Variants in CCDC34 observed in about 807,000 individuals in gnomAD.
CCDC34 encodes the protein coiled-coil domain-containing protein 34.
CCDC34 carries 40 observed loss-of-function variants against 44.1 expected under a neutral mutation model. The observed-to-expected ratio is 0.91, with a 90% CI of 0.70 to 1.18. The LOEUF (loss-of-function observed/expected upper bound fraction) is 1.18, where lower values mean the gene tolerates loss of function less well. CCDC34 is among the 50% of genes most tolerant of loss of function. The pLI is 0.00. For missense variants in CCDC34, 466 were observed against 452.3 expected, an observed-to-expected ratio of 1.03 and a Z score of -0.28; for synonymous variants, 159 against 158.2, an observed-to-expected ratio of 1.01 and a Z score of -0.04.
At chr11:27,358,058 A>G (rs970025623) in intron 1 of CCDC34, among the ~76,000 whole-genome samples, 2 of 152,184 alleles carry the variant, frequency 1.3e-5, no homozygotes, top group African/African-American at 4.8e-5. Context: ...CACCTTTTTT[A>G]TAAGTTTGAA....
intron 1 of CCDC34, among the ~76,000 whole-genome samples, chr11:27,358,966 C>CCG (rs1554963879): frequency 2.5e-5 from 3 of 119,012 alleles, no homozygotes; most frequent in Non-Finnish European, 3.7e-5. Context: ...GGACCCCCCC[C>CCG]CCCCACCGCC....
At position 27,357,467 on chromosome 11, in the gene CCDC34, C is replaced by T; in HGVS notation, c.434G>A (p.Trp145Ter). 6.2e-7 allele frequency: 1 copy of T among 1,613,938 alleles called. No individual in the cohort carries two copies. Among genetic ancestry groups the T allele is most frequent in the East Asian group, 2.2e-5 (1 of 44,868 alleles). Residue 145 changes from tryptophan (W) to a stop codon, truncating the protein, a stop_gained, in exon 2 of 6, where the codon TGG becomes TAG. Coordinates refer to ENST00000328697, the MANE Select transcript of CCDC34 (RefSeq NM_030771.2). LOFTEE classifies it high-confidence loss of function. ...VRLPESRLTP[W>*]EVWFIGKEKE... ...TTCTTTGCCAATAAACCACACCTCC[C>T]ATGGTGTCAGGCGGCTTTCTGGTAA...
rs1242949327 is a variant in CCDC34, at chr11:27,341,446, T to C, written c.711A>G (p.Gln237=). 6 of 1,465,122 alleles carry C rather than the reference T, an allele frequency of 4.1e-6. No individual in the cohort carries two copies. Among genetic ancestry groups the C allele is most frequent in the Non-Finnish European group, 5.5e-6 (6 of 1,083,430 alleles). The allele number at this position is 1,465,122 out of a possible 1,614,324, so 90.8% of individuals were successfully genotyped here. ...CAGCATTTTTTTTCTTTAACCATTC[T>C]TGATATTTTTCTTTTGCTTTTTCTT... ...YLQEKAKEKY[Q]EWLKKKNAEE... The change falls in exon 4 of 6, where the codon CAA becomes CAG. Residue 237 remains glutamine (Q), a synonymous_variant. Transcript: ENST00000328697.
At chr11:27,342,128 T>C (rs1247407316) in intron 3 of CCDC34, among the ~76,000 whole-genome samples, 2 of 151,996 alleles carry the variant, frequency 1.3e-5, no homozygotes, top group Non-Finnish European at 2.9e-5. Flanking sequence ...TTTGTAAATT[T>C]CCCAGTCTCA....
chr11:27,347,411 A>G (rs180898049), intron 3 of CCDC34, among the ~76,000 whole-genome samples: 5 of 152,254 alleles, frequency 3.3e-5, no homozygotes, highest in Non-Finnish European at 7.3e-5. Context: ...AGACTTGTAC[A>G]TGAGTGGTCA....
intron 1 of CCDC34, among the ~76,000 whole-genome samples, chr11:27,359,391 C>T (rs1714888315): frequency 6.6e-6 from 1 of 152,196 alleles, no homozygotes; most frequent in Admixed American, 6.5e-5. Context: ...CTTTCTTCCA[C>T]CTCCGCATAA....
Position 27,361,071 on chromosome 11 carries a change from G to A in CCDC34, c.359+1765C>T, listed in dbSNP as rs115800472. Among the ~76,000 whole-genome samples, 978 of 152,294 alleles carry A rather than the reference G, an allele frequency of 6.4e-3. 8 individuals carry two copies. Among genetic ancestry groups the A allele is most frequent in the African/African-American group, 0.018 (751 of 41,554 alleles). The stretch of plus-strand genomic sequence containing the variant: ...GGAAATGGACATGCAGTCAGCAAAC[G>A]TTTATTGAGCACCTAATAAGCATCT... On this transcript the variant is annotated intron_variant, in intron 1 of 5. Coordinates refer to ENST00000328697, the MANE Select transcript of CCDC34 (RefSeq NM_030771.2).
intron 3 of CCDC34, among the ~76,000 whole-genome samples, chr11:27,346,320 C>T (rs1433689548): frequency 3.3e-5 from 5 of 150,720 alleles, no homozygotes; most frequent in South Asian, 4.2e-4. Flanking sequence ...TGCTTGAGCC[C>T]GGGAGGCAGA....
chr11:27,362,698 A>T (rs977723607), intron 1 of CCDC34, 138 bp downstream of exon 1: 13 of 998,658 alleles, frequency 1.3e-5, no homozygotes, highest in Admixed American at 7.2e-5. Context: ...TTATGTGCAA[A>T]AAAAACCACG....
At chr11:27,341,332 T>C (rs1000159123) in intron 4 of CCDC34, 60 bp downstream of exon 4, 2 of 988,854 alleles carry the variant, frequency 2.0e-6, no homozygotes, top group Non-Finnish European at 1.4e-6. Flanking sequence ...TTCTAAGATA[T>C]AGTTGACACA....
At chr11:27,356,917 GGGGTGGGGTGGGGTTGGGGGTGGT>G (rs1240676102) in intron 2 of CCDC34, among the ~76,000 whole-genome samples, 12 of 84,892 alleles carry the variant, frequency 1.4e-4, no homozygotes, top group African/African-American at 5.3e-4. Context: ...TGGGGGTGGT[GGGGTGGGGTGGGGTTGGGGGTGGT>G]GGGGGGGGGC....
chr11:27,342,021 A>G (rs1239936107), intron 3 of CCDC34, among the ~76,000 whole-genome samples: 1 of 152,146 alleles, frequency 6.6e-6, no homozygotes, highest in Non-Finnish European at 1.5e-5. Flanking sequence ...GCCTGCTGCC[A>G]TCCATGTAAG....
Position 27,349,413 on chromosome 11 carries a change from AT to A in CCDC34, c.606+918del, listed in dbSNP as rs201879455. On this transcript the variant is annotated intron_variant, in intron 3 of 5. Transcript: ENST00000328697. The stretch of plus-strand genomic sequence containing the variant: ...ATACTTGGATGAAGAAGGTTATATC[AT>A]CTTCAATTTACTGAAATTATTTACT... 6,080 of 825,410 alleles carry A rather than the reference AT, an allele frequency of 7.4e-3. 27 individuals are homozygous for A. The highest frequency in any genetic ancestry group is 0.013 in the Admixed American group (201 of 16,040). The allele number at this position is 825,410 out of a possible 1,614,324, so 51.1% of individuals were successfully genotyped here. A position where few individuals can be genotyped will look rare whatever the true frequency, so the allele number is the denominator to read the frequency against.
chr11:27,349,457 C>G, intron 3 of CCDC34: 1 of 830,600 alleles, frequency 1.2e-6, no homozygotes, highest in Non-Finnish European at 1.5e-6. Flanking sequence ...CTTATTAATA[C>G]CATTAGGCAT....
Position 27,355,960 on chromosome 11 carries a change from T to G in CCDC34, c.498+1443A>C, listed in dbSNP as rs2133348268. On this transcript the variant is annotated intron_variant, in intron 2 of 5. Transcript: ENST00000328697. ...ATCAAATAATAACTGGTTTCAAAAC[T>G]AACAGAAAAGTTATTCTAAGGAAGA... 2.0e-5 allele frequency among the ~76,000 whole-genome samples: 3 copies of G among 148,048 alleles called. No individual in the cohort carries two copies. In the Middle Eastern group the frequency reaches 0.01, roughly 511 times the overall value.
intron 2 of CCDC34, among the ~76,000 whole-genome samples, chr11:27,357,087 G>T (rs1349060555): frequency 3.9e-5 from 6 of 152,118 alleles, no homozygotes; most frequent in Admixed American, 6.6e-5. Context: ...ACATACATTT[G>T]TACGTATTTC....
At chr11:27,346,370 G>C (rs1862433531) in intron 3 of CCDC34, among the ~76,000 whole-genome samples, 2 of 149,058 alleles carry the variant, frequency 1.3e-5, no homozygotes, top group South Asian at 4.4e-4. Context: ...ACTCCAGCCT[G>C]GTCAACAGAG....
chr11:27,363,214 C>T lies in CCDC34; in HGVS notation c.-20G>A, dbSNP rs1218472080. Reference sequence around the variant, plus strand: ...CCACATCTGGCCCGCCAAGTTCAAACTGGCGGAGCCGCGGCGGGGACGCGC... The same window carrying T: ...CCACATCTGGCCCGCCAAGTTCAAATTGGCGGAGCCGCGGCGGGGACGCGC... On this transcript the variant is annotated 5_prime_UTR_variant, in exon 1 of 6. Coordinates refer to ENST00000328697, the MANE Select transcript of CCDC34 (RefSeq NM_030771.2). 7 of 1,443,388 alleles carry T rather than the reference C, an allele frequency of 4.8e-6. No homozygotes were observed. The highest frequency in any genetic ancestry group is 1.5e-5 in the African/African-American group (1 of 68,632). The allele number at this position is 1,443,388 out of a possible 1,614,324, so 89.4% of individuals were successfully genotyped here. A position where few individuals can be genotyped will look rare whatever the true frequency, so the allele number is the denominator to read the frequency against.
intron 1 of CCDC34, 118 bp downstream of exon 1, chr11:27,362,718 T>C: frequency 1.7e-6 from 2 of 1,197,856 alleles, no homozygotes; most frequent in Non-Finnish European, 2.3e-6. Flanking sequence ...GGCACCTCAG[T>C]CTGCAAGTGC....
Sources: gnomAD v4.1 joint callset for allele counts (sites outside exome capture counted in the v4.1 genomes callset) on GRCh38, gnomAD v4.1.1 for gene constraint, MANE v1.5 for transcripts, NCBI Gene and HGNC (gene_info 2026-07-23, HGNC 2026-07-21) for gene names.